STXBP5L: variants seen among roughly 807,000 people sequenced by gnomAD.
The protein encoded by STXBP5L is syntaxin-binding protein 5-like.
Under a neutral mutation model 144.5 loss-of-function variants are expected in STXBP5L, and 65 were observed. The ratio of observed to expected loss-of-function variants is 0.45; its 90% CI spans 0.37 to 0.55. The LOEUF (loss-of-function observed/expected upper bound fraction) is 0.55, where lower values mean the gene tolerates loss of function less well. STXBP5L is among the 20% of genes least tolerant of loss of function. The pLI is 0.00. For synonymous variants in STXBP5L, 505 were observed against 469.6 expected (o/e 1.08, Z -0.97); for missense variants, 1,298 against 1,405.5 (o/e 0.92, Z 1.22).
intron 3 of STXBP5L, among the ~76,000 whole-genome samples, chr3:121,001,160 C>T (rs1943743467): frequency 6.6e-6 from 1 of 152,172 alleles, no homozygotes; most frequent in Non-Finnish European, 1.5e-5. Flanking sequence ...TGTGCATAGG[C>T]ATGTGTACTG....
intron 5 of STXBP5L, among the ~76,000 whole-genome samples, chr3:121,067,707 T>C (rs972837742): frequency 6.6e-6 from 1 of 152,198 alleles, no homozygotes; most frequent in Non-Finnish European, 1.5e-5. Context: ...AGAGGACCGT[T>C]AAAAGCTCCC....
chr3:121,316,429 C>T (rs1239207392), intron 19 of STXBP5L, among the ~76,000 whole-genome samples: 1 of 152,160 alleles, frequency 6.6e-6, no homozygotes, highest in African/African-American at 2.4e-5. Flanking sequence ...TTTGATGAAA[C>T]TCTTTCTAAC....
At chr3:120,963,345 T>A (rs1035791462) in intron 3 of STXBP5L, among the ~76,000 whole-genome samples, 3 of 152,228 alleles carry the variant, frequency 2.0e-5, no homozygotes, top group Admixed American at 2.0e-4. Flanking sequence ...GGCATCTCTG[T>A]CTTGTACCAG....
At chr3:121,088,045 A>C (rs1246931065) in intron 5 of STXBP5L, among the ~76,000 whole-genome samples, 1 of 152,138 alleles carries the variant, frequency 6.6e-6, no homozygotes. Flanking sequence ...TTTAACCATC[A>C]AATATAATTT....
chr3:121,423,638 A>G lies in STXBP5L; in HGVS notation c.*4541A>G, dbSNP rs534991578. The G allele has an allele frequency of 6.6e-6, 1 of 152,326 alleles. No homozygotes were observed. The highest frequency in any genetic ancestry group is 6.5e-5 in the Admixed American group (1 of 15,302). The allele number at this position is 152,326 out of a possible 1,614,324, so 9.4% of individuals were successfully genotyped here. A position where few individuals can be genotyped will look rare whatever the true frequency, so the allele number is the denominator to read the frequency against. On this transcript the variant is annotated 3_prime_UTR_variant, in exon 27 of 27. Transcript: ENST00000471454. ...AGGAAATTTTTAAATTCCCAATTAT[A>G]TTAAAATCATTTGGAGTGGGAACCA...
Position 121,235,816 on chromosome 3 carries a change from A to AACACAC in STXBP5L, c.1184+2148_1184+2153dup, listed in dbSNP as rs778143089. ...TTGGTGGAAAGAGAACTCCTGCCAGAACACACACACACACACACACACACA... is the reference window on the plus strand; with the variant it reads ...TTGGTGGAAAGAGAACTCCTGCCAGAACACACACACACACACACACACACACACACA... On this transcript the variant is annotated intron_variant, in intron 12 of 26. Transcript: ENST00000471454. Among the ~76,000 whole-genome samples the AACACAC allele has an allele frequency of 1.6e-3, 244 of 149,178 alleles. No homozygotes were observed. The Middle Eastern group carries it at 0.017, about 10-fold the overall frequency.
Position 121,141,613 on chromosome 3 carries a change from T to C in STXBP5L, c.670-10864T>C, listed in dbSNP as rs1056907706. The stretch of plus-strand genomic sequence containing the variant: ...GATACACCATATAAGTAGATGAAAA[T>C]TGTGACAACAATACTATAAAGTATG... On this transcript the variant is annotated intron_variant, in intron 7 of 26. Coordinates refer to ENST00000471454, the MANE Select transcript of STXBP5L (RefSeq NM_001308330.2). Among the ~76,000 whole-genome samples, 14 of 152,114 alleles carry C rather than the reference T, an allele frequency of 9.2e-5. No individual in the cohort carries two copies. The East Asian group carries it at 2.5e-3, about 27-fold the overall frequency.
chr3:121,140,941 A>C (rs1473021219), intron 7 of STXBP5L, among the ~76,000 whole-genome samples: 3 of 152,308 alleles, frequency 2.0e-5, no homozygotes, highest in South Asian at 4.1e-4. Flanking sequence ...TTTTAACTAT[A>C]ATAAGTTTAA....
At chr3:121,236,837 A>T (rs369431815) in intron 12 of STXBP5L, among the ~76,000 whole-genome samples, 4 of 152,386 alleles carry the variant, frequency 2.6e-5, no homozygotes, top group Admixed American at 6.5e-5. Context: ...ATATGAAACA[A>T]GTTCTTTACT....
At chr3:121,196,835 T>TATTG (rs34277105) in intron 9 of STXBP5L, among the ~76,000 whole-genome samples, 67,507 of 148,524 alleles carry the variant, frequency 0.45, 16,132 homozygotes, top group East Asian at 0.67. Context: ...ATGCCCAGAT[T>TATTG]ATTGATTGAT....
intron 20 of STXBP5L, among the ~76,000 whole-genome samples, chr3:121,343,283 T>C (rs1167750046): frequency 6.6e-6 from 1 of 151,976 alleles, no homozygotes; most frequent in Non-Finnish European, 1.5e-5. Flanking sequence ...TTTTCTCCCA[T>C]TTTGTAGGTT....
At chr3:121,394,739 G>A (rs1206001138) in intron 22 of STXBP5L, among the ~76,000 whole-genome samples, 2 of 151,626 alleles carry the variant, frequency 1.3e-5, no homozygotes, top group Non-Finnish European at 1.5e-5. Flanking sequence ...TGAGTAGCTG[G>A]GACTACAGGC....
chr3:120,947,999 GT>G (rs1407095085), intron 2 of STXBP5L, among the ~76,000 whole-genome samples: 1 of 151,670 alleles, frequency 6.6e-6, no homozygotes, highest in African/African-American at 2.4e-5. Context: ...TGGTAACTCT[GT>G]ATTTCATATA....
At chr3:120,944,876 A>G (rs1710765492) in intron 2 of STXBP5L, among the ~76,000 whole-genome samples, 1 of 151,824 alleles carries the variant, frequency 6.6e-6, no homozygotes, top group Non-Finnish European at 1.5e-5. Flanking sequence ...CAGTGACCCA[A>G]GATGACATCA....
intron 1 of STXBP5L, chr3:120,908,979 G>A: frequency 6.6e-6 from 1 of 152,326 alleles, no homozygotes; most frequent in East Asian, 1.9e-4. Flanking sequence ...TTGGGGTCCG[G>A]GCTGCTGGGG....
intron 5 of STXBP5L, among the ~76,000 whole-genome samples, chr3:121,086,995 G>T (rs538333670): frequency 1.3e-5 from 2 of 151,962 alleles, no homozygotes; most frequent in Non-Finnish European, 2.9e-5. Context: ...AGATTTTATT[G>T]TATCTTTCTT....
intron 20 of STXBP5L, among the ~76,000 whole-genome samples, chr3:121,345,264 G>A (rs974856787): frequency 6.6e-6 from 1 of 151,938 alleles, no homozygotes; most frequent in Non-Finnish European, 1.5e-5. Context: ...GCAGTGTTTG[G>A]TTTTTTGTCC....
chr3:120,920,740 T>C (rs1459363591), intron 2 of STXBP5L, among the ~76,000 whole-genome samples: 1 of 151,864 alleles, frequency 6.6e-6, no homozygotes, highest in African/African-American at 2.4e-5. Flanking sequence ...GAACCTGTGA[T>C]ATTTGTTTTT....
chr3:121,034,105 A>T (rs1178405660), intron 3 of STXBP5L, among the ~76,000 whole-genome samples: 1 of 152,122 alleles, frequency 6.6e-6, no homozygotes, highest in Non-Finnish European at 1.5e-5. Context: ...TTAGTGATAT[A>T]AACAAAACAT....
Sources: allele counts gnomAD v4.1 joint callset (sites outside exome capture counted in the v4.1 genomes callset), GRCh38; gene constraint gnomAD v4.1.1; transcripts MANE v1.5; gene names NCBI Gene and HGNC (gene_info 2026-07-23, HGNC 2026-07-21).